The following NAV1 variants were observed in gnomAD, a reference collection of about 807,000 sequenced individuals.
The protein encoded by NAV1 is pore membrane and/or filament interacting like protein 3.
In NAV1, 18 loss-of-function variants were observed where a neutral mutation model predicts 175.2. The observed-to-expected ratio is 0.10, with a 90% confidence interval of 0.07 to 0.15. The LOEUF is 0.15. NAV1 is among the 10% of genes least tolerant of loss of function. The probability of loss-of-function intolerance (pLI) is 1.00; values close to 1 mark genes in which losing one functional copy is unlikely to be tolerated. For missense variants in NAV1, 1,731 were observed against 2,436.6 expected, an observed-to-expected ratio of 0.71 and a Z score of 6.10; for synonymous variants, 897 against 978.7, an observed-to-expected ratio of 0.92 and a Z score of 1.56.
intron 1 of NAV1, among the ~76,000 whole-genome samples, chr1:201,708,097 C>T (rs1571898186): frequency 6.6e-6 from 1 of 152,088 alleles, no homozygotes; most frequent in Admixed American, 6.6e-5. Context: ...CCCAAAGACC[C>T]TTGACATGGA....
chr1:201,630,685 A>G (rs527451488), intron 2 of NAV1, among the ~76,000 whole-genome samples: 26 of 152,316 alleles, frequency 1.7e-4, no homozygotes, highest in African/African-American at 6.3e-4. Flanking sequence ...TTGCAAAGCA[A>G]GCCATCTCCT....
At chr1:201,689,430 T>A (rs1451795600) in intron 1 of NAV1, among the ~76,000 whole-genome samples, 1 of 152,212 alleles carries the variant, frequency 6.6e-6, no homozygotes, top group East Asian at 1.9e-4. Flanking sequence ...ATCCATTGTG[T>A]ATCCAGGCCC....
At position 201,810,861 on chromosome 1, in the gene NAV1, T is replaced by G. The variant is rs1192348513; in HGVS notation, c.4797+103T>G. 1 of 771,282 alleles carries G rather than the reference T, an allele frequency of 1.3e-6. No homozygotes were observed. The highest frequency in any genetic ancestry group is 2.1e-6 in the Non-Finnish European group (1 of 471,110). 47.8% of individuals were successfully genotyped at this position (771,282 alleles called of 1,614,324 possible). On this transcript the variant is annotated intron_variant, in intron 24 of 29. Coordinates refer to ENST00000367296, the Ensembl canonical transcript of NAV1. The surrounding 1 kb of genome is among the most constrained non-coding windows in gnomAD (Gnocchi z 6.0). ...GCCTCATTGTTCCCTTTTCCTCACCTCTGCCTTCATCTTTCTTCTCTTCTG... is the reference window on the plus strand; with the variant it reads ...GCCTCATTGTTCCCTTTTCCTCACCGCTGCCTTCATCTTTCTTCTCTTCTG...
intron 2 of NAV1, among the ~76,000 whole-genome samples, chr1:201,600,210 A>G (rs1029618055): frequency 2.0e-5 from 3 of 152,236 alleles, no homozygotes; most frequent in African/African-American, 7.2e-5. Flanking sequence ...GAGACTCTCC[A>G]GGTCTCTCCA....
At chr1:201,819,563 C>G (rs1028105666) in intron 29 of NAV1, among the ~76,000 whole-genome samples, 4 of 151,154 alleles carry the variant, frequency 2.6e-5, no homozygotes, top group African/African-American at 4.9e-5. Flanking sequence ...CTCATAGGCT[C>G]GAGTCATCCT....
At chr1:201,733,155 C>T (rs552351820) in intron 3 of NAV1, among the ~76,000 whole-genome samples, 128 of 150,968 alleles carry the variant, frequency 8.5e-4, no homozygotes, top group Non-Finnish European at 1.4e-3. Context: ...CCAAGGCGGG[C>T]GGATCATGAG....
chr1:201,776,698 T>C (rs1675972105), intron 3 of NAV1, among the ~76,000 whole-genome samples: 1 of 142,388 alleles, frequency 7.0e-6, no homozygotes, highest in African/African-American at 2.6e-5. Context: ...AAGAGAGAAA[T>C]GTAGAAAATC....
At chr1:201,614,064 G>C (rs1258515322) in intron 2 of NAV1, among the ~76,000 whole-genome samples, 1 of 150,136 alleles carries the variant, frequency 6.7e-6, no homozygotes, top group Non-Finnish European at 1.5e-5. Context: ...CTGGGGGCGA[G>C]TGGGGAGAGG....
intron 3 of NAV1, among the ~76,000 whole-genome samples, chr1:201,758,421 C>CTATCCTACATTAT (rs1241200963): frequency 6.6e-6 from 1 of 152,242 alleles, no homozygotes; most frequent in Non-Finnish European, 1.5e-5. Context: ...GCTACATAGC[C>CTATCCTACATTAT]TATCCTACAT....
intron 1 of NAV1, among the ~76,000 whole-genome samples, chr1:201,679,145 G>A (rs1191269655): frequency 1.3e-5 from 2 of 152,190 alleles, no homozygotes; most frequent in African/African-American, 4.8e-5. Context: ...GGGCAGAGAG[G>A]CCACAATTAA....
chr1:201,620,382 G>GTAAT (rs1311588482), upstream of NAV1, among the ~76,000 whole-genome samples: 1 of 149,620 alleles, frequency 6.7e-6, no homozygotes, highest in Non-Finnish European at 1.5e-5. Context: ...GCTCCCATCT[G>GTAAT]TAATCATTTT....
chr1:201,544,838 T>C (rs2102445356), intron 1 of NAV1, among the ~76,000 whole-genome samples: 1 of 152,330 alleles, frequency 6.6e-6, no homozygotes, highest in East Asian at 1.9e-4. Context: ...GCAGCCCCAC[T>C]TCCTTCAGAT....
At chr1:201,724,002 A>G (rs1020688829) in intron 3 of NAV1, 7 of 152,168 alleles carry the variant, frequency 4.6e-5, no homozygotes, top group African/African-American at 1.4e-4. Context: ...TCAATGACCC[A>G]GTTTTTCGAA....
At chr1:201,687,779 T>G (rs1409722940) in intron 1 of NAV1, among the ~76,000 whole-genome samples, 3 of 152,206 alleles carry the variant, frequency 2.0e-5, no homozygotes, top group African/African-American at 7.2e-5. Context: ...CACCCTTTCC[T>G]GAAGCCTGGC....
In NAV1 at chr1:201,793,621, T is replaced by C. The variant is rs911523046; in HGVS notation, c.3322-171T>C. ...GGTTCCCACCAGAAAATTTCTTTGA[T>C]TTCCCCTTTGTCTGCTCAGGAAAAT... On this transcript the variant is annotated intron_variant, in intron 13 of 29. Coordinates refer to ENST00000367296, the Ensembl canonical transcript of NAV1. 12 of 614,034 alleles carry C rather than the reference T, an allele frequency of 2.0e-5. No homozygotes were observed. In the African/African-American group the frequency reaches 2.2e-4, roughly 11 times the overall value. 38.0% of individuals were successfully genotyped at this position (614,034 alleles called of 1,614,324 possible).
At chr1:201,720,764 T>A (rs1172769751) in intron 3 of NAV1, among the ~76,000 whole-genome samples, 4 of 152,238 alleles carry the variant, frequency 2.6e-5, no homozygotes, top group African/African-American at 4.8e-5. Context: ...TCATTGTAAA[T>A]GCTCACTAAA....
intron 1 of NAV1, among the ~76,000 whole-genome samples, chr1:201,566,596 A>G (rs1275774389): frequency 6.6e-6 from 1 of 152,122 alleles, no homozygotes; most frequent in Admixed American, 6.5e-5. Context: ...ACACACACAG[A>G]ACTCTTCTTC....
At chr1:201,642,840 G>A (rs1449950569) in intron 2 of NAV1, among the ~76,000 whole-genome samples, 3 of 150,416 alleles carry the variant, frequency 2.0e-5, no homozygotes, top group Non-Finnish European at 3.0e-5. Context: ...CGCCATCTCG[G>A]CTCACTGCAG....
rs370879325 is a variant in NAV1, at chr1:201,682,382, A to G, written c.758-30435A>G. Among the ~76,000 whole-genome samples the G allele has an allele frequency of 3.9e-5, 6 of 152,240 alleles. 1 individual carries two copies. The highest frequency in any genetic ancestry group is 2.1e-4 in the South Asian group (1 of 4,828). On this transcript the variant is annotated intron_variant, in intron 1 of 29. Coordinates refer to ENST00000367296, the Ensembl canonical transcript of NAV1. The stretch of plus-strand genomic sequence containing the variant: ...GAGGTTCTTTTGAACCTTTGTGACA[A>G]TGCCTCTGATGGCATTCACTGGCTG...
Sources: gnomAD v4.1 joint callset for allele counts (sites outside exome capture counted in the v4.1 genomes callset) on GRCh38, gnomAD v4.1.1 for gene constraint, Gnocchi (gnomAD v3.1) non-coding constraint, MANE v1.5 for transcripts, NCBI Gene and HGNC (gene_info 2026-07-23, HGNC 2026-07-21) for gene names.